The following MYO1H variants were observed in gnomAD, a reference collection of about 807,000 sequenced individuals.
The protein encoded by MYO1H is unconventional myosin-Ih.
A neutral mutation model predicts 149.3 loss-of-function variants in MYO1H; 118 were observed. The ratio of observed to expected loss-of-function variants is 0.79; its 90% CI spans 0.68 to 0.92. The LOEUF (loss-of-function observed/expected upper bound fraction) is 0.92. MYO1H is among the 40% of genes least tolerant of loss of function. MYO1H has a pLI of 0.00. For synonymous variants in MYO1H, 447 were observed against 465.2 expected, an observed-to-expected ratio of 0.96 and a Z score of 0.50; for missense variants, 1,212 against 1,280.7, an observed-to-expected ratio of 0.95 and a Z score of 0.82.
chr12:109,357,682 AAT>A (rs1868638754), intron 1 of MYO1H, among the ~76,000 whole-genome samples: 9 of 147,910 alleles, frequency 6.1e-5, no homozygotes, highest in African/African-American at 2.3e-4. Flanking sequence ...CATGCCATGA[AAT>A]ACTATTCTCT....
exon 20 of MYO1H, chr12:109,432,979 G>A (rs1372370152): frequency 4.3e-6 from 7 of 1,613,852 alleles, no homozygotes; most frequent in East Asian, 2.2e-5. Context: ...CAAGTACATC[G>A]GCTACAAACC....
chr12:109,323,663 A>G, the MYO1H span, among the ~76,000 whole-genome samples: 1 of 152,194 alleles, frequency 6.6e-6, no homozygotes, highest in African/African-American at 2.4e-5. Context: ...AAGGTTCTAG[A>G]AGGTCTGCTG....
chr12:109,406,001 T>A, exon 8 of MYO1H: 1 of 1,613,700 alleles, frequency 6.2e-7, no homozygotes. Flanking sequence ...TGTGCCACTA[T>A]CCCAGACACC....
the MYO1H span, among the ~76,000 whole-genome samples, chr12:109,318,972 G>GTTTTTTT: frequency 9.7e-3 from 747 of 77,032 alleles, 2 homozygotes; most frequent in Middle Eastern, 0.017. Flanking sequence ...TTTTGGTTTT[G>GTTTTTTT]TTTTTTTTTT....
Position 109,397,728 on chromosome 12 carries a change from C to T in MYO1H, c.490-4C>T, listed in dbSNP as rs758342870. 6.2e-7 allele frequency: 1 copy of T among 1,608,146 alleles called. No homozygotes were observed. The highest frequency in any genetic ancestry group is 1.3e-5 in the African/African-American group (1 of 74,808). ...TGACAGTGAATGACACTTTGTATTCCAAGGCTTTTGGAAATGCCAGAACGC... is the reference window on the plus strand; with the variant it reads ...TGACAGTGAATGACACTTTGTATTCTAAGGCTTTTGGAAATGCCAGAACGC... On this transcript the variant is annotated splice_region_variant and splice_polypyrimidine_tract_variant and intron_variant, in intron 4 of 31. Coordinates refer to ENST00000310903, the Ensembl canonical transcript of MYO1H.
At chr12:109,369,561 TCA>T (rs1274757597) in intron 1 of MYO1H, among the ~76,000 whole-genome samples, 1 of 152,148 alleles carries the variant, frequency 6.6e-6, no homozygotes, top group Non-Finnish European at 1.5e-5. Flanking sequence ...AATCTCTCTC[TCA>T]CACACACCCC....
the MYO1H span, among the ~76,000 whole-genome samples, chr12:109,314,892 G>T: frequency 1.3e-5 from 2 of 152,064 alleles, no homozygotes; most frequent in African/African-American, 4.8e-5. Context: ...TTGAGCCCAG[G>T]AATTCGAGAC....
chr12:109,337,130 A>G, the MYO1H span, among the ~76,000 whole-genome samples: 1 of 152,176 alleles, frequency 6.6e-6, no homozygotes, highest in Non-Finnish European at 1.5e-5. Flanking sequence ...ACTATGATAC[A>G]TTGTAACTTT....
intron 1 of MYO1H, among the ~76,000 whole-genome samples, chr12:109,384,828 T>G (rs1869269684): frequency 6.6e-6 from 1 of 152,178 alleles, no homozygotes; most frequent in Non-Finnish European, 1.5e-5. Context: ...GGTTAATCTC[T>G]GCATCCTCCA....
intron 30 of MYO1H, 164 bp from the exon 31 acceptor site, chr12:109,445,349 C>T: frequency 1.7e-6 from 1 of 587,518 alleles, no homozygotes; most frequent in South Asian, 2.4e-5. Context: ...CCAGCTGTGG[C>T]AACAGCATTC....
At chr12:109,326,508 ATTTTATTTTATTTTATTTTAT>A in the MYO1H span, among the ~76,000 whole-genome samples, 1 of 97,744 alleles carries the variant, frequency 1.0e-5, no homozygotes, top group Non-Finnish European at 2.3e-5. Context: ...ATTTTATTTT[ATTTTATTTTATTTTATTTTAT>A]TTTATTTTTT....
the MYO1H span, among the ~76,000 whole-genome samples, chr12:109,319,424 G>A: frequency 0.027 from 4,151 of 152,098 alleles, 74 homozygotes; most frequent in Non-Finnish European, 0.044. Flanking sequence ...CTGGGGGAAG[G>A]GAAAAAATGG....
intron 20 of MYO1H, 143 bp downstream of exon 20, chr12:109,433,153 T>C: frequency 2.9e-6 from 2 of 685,630 alleles, no homozygotes; most frequent in Admixed American, 2.4e-5. Context: ...ATCTACTCGA[T>C]GTAAATGCAG....
At chr12:109,415,446 A>C in intron 14 of MYO1H, 80 bp from the exon 15 acceptor site, 1 of 1,350,436 alleles carries the variant, frequency 7.4e-7, no homozygotes, top group Non-Finnish European at 1.0e-6. Context: ...ACTGCACTCC[A>C]GCTTGGGCAA....
chr12:109,376,162 T>C (rs1375952708), intron 1 of MYO1H, among the ~76,000 whole-genome samples: 1 of 152,178 alleles, frequency 6.6e-6, no homozygotes, highest in African/African-American at 2.4e-5. Flanking sequence ...AGGTTTTCAG[T>C]TTATTCACAG....
chr12:109,315,026 C>T, the MYO1H span, among the ~76,000 whole-genome samples: 1 of 152,066 alleles, frequency 6.6e-6, no homozygotes, highest in Admixed American at 6.6e-5. Flanking sequence ...CGCTTGAGCC[C>T]GGAAGGCAGA....
intron 17 of MYO1H, among the ~76,000 whole-genome samples, chr12:109,425,528 G>A (rs1430690261): frequency 2.0e-5 from 3 of 152,176 alleles, no homozygotes; most frequent in Non-Finnish European, 4.4e-5. Flanking sequence ...GCCCTCAAGG[G>A]ACTTACAATC....
At chr12:109,447,354 T>C in exon 32 of MYO1H, 1 of 666,082 alleles carries the variant, frequency 1.5e-6, no homozygotes. Context: ...TAATCCCAGC[T>C]CCTCAGCTGC....
At chr12:109,424,850 G>C (rs757368916) in intron 17 of MYO1H, 22 bp downstream of exon 17, 2 of 1,604,448 alleles carry the variant, frequency 1.2e-6, no homozygotes, top group South Asian at 2.2e-5. Context: ...AAACACCCAT[G>C]CAAAATTGGA....
Sources: allele counts gnomAD v4.1 joint callset (sites outside exome capture counted in the v4.1 genomes callset), GRCh38; gene constraint gnomAD v4.1.1; transcripts MANE v1.5; gene names NCBI Gene and HGNC (gene_info 2026-07-23, HGNC 2026-07-21).